ZNF280D: variants seen among roughly 807,000 people sequenced by gnomAD.
ZNF280D encodes suppressor of hairy wing homolog 4.
A neutral mutation model predicts 94.7 loss-of-function variants in ZNF280D; 39 were observed. The ratio of observed to expected loss-of-function variants is 0.41; its 90% confidence interval spans 0.32 to 0.54. ZNF280D has a LOEUF of 0.54. Ranked by LOEUF, ZNF280D falls within the 20% of genes least tolerant of loss-of-function variation. The pLI is 0.22. For missense variants in ZNF280D, 1,090 were observed against 1,149.3 expected, an observed-to-expected ratio of 0.95 and a Z score of 0.75; for synonymous variants, 398 against 377.6, an observed-to-expected ratio of 1.05 and a Z score of -0.63.
At position 56,631,580 on chromosome 15, in the gene ZNF280D, T is replaced by A. The variant is rs771765627; in HGVS notation, c.2858A>T (p.Gln953Leu). ...ATTTCCTCCAGGAATGTCATCTGTT[T>A]GATCAGACACTACTTCATCAGTCTT... ...SAKTDEVVSDQTDDIPGGNNP... is the reference protein window; with the variant it reads ...SAKTDEVVSDLTDDIPGGNNP... Residue 953 changes from glutamine to leucine, a missense_variant, in exon 22 of 22, where the codon CAA becomes CTA. By Grantham distance (113) the Gln-to-Leu change is moderately radical. Transcript: ENST00000267807. 3 of 1,614,154 alleles carry A rather than the reference T, an allele frequency of 1.9e-6. No individual in the cohort carries two copies. Among genetic ancestry groups the A allele is most frequent in the Non-Finnish European group, 2.5e-6 (3 of 1,180,008 alleles).
At chr15:56,726,003 G>T (rs2058614685) in intron 1 of ZNF280D, among the ~76,000 whole-genome samples, 3 of 151,966 alleles carry the variant, frequency 2.0e-5, no homozygotes, top group Admixed American at 6.6e-5. Context: ...ATCCATTTAA[G>T]CAAAAAGCCT....
chr15:56,633,951 AAT>A (rs1206271427), intron 21 of ZNF280D: 1 of 152,132 alleles, frequency 6.6e-6, no homozygotes, highest in African/African-American at 2.4e-5. Flanking sequence ...TCATGTAGTT[AAT>A]ATATTATTTT....
chr15:56,713,638 C>A (rs1176159511), intron 1 of ZNF280D, among the ~76,000 whole-genome samples: 1 of 152,192 alleles, frequency 6.6e-6, no homozygotes, highest in Non-Finnish European at 1.5e-5. Flanking sequence ...GAATTCTCAA[C>A]TATGAATAAC....
At chr15:56,727,581 C>T (rs2058686938) in intron 1 of ZNF280D, among the ~76,000 whole-genome samples, 1 of 152,194 alleles carries the variant, frequency 6.6e-6, no homozygotes, top group South Asian at 2.1e-4. Context: ...CAAAATAATC[C>T]TCATGCGTAA....
chr15:56,633,480 T>G (rs1431293813), intron 21 of ZNF280D, among the ~76,000 whole-genome samples: 1 of 151,996 alleles, frequency 6.6e-6, no homozygotes, highest in Non-Finnish European at 1.5e-5. Flanking sequence ...ATAAAAAATC[T>G]AATATCTTTT....
chr15:56,662,871 CA>C (rs1243326885), intron 16 of ZNF280D, among the ~76,000 whole-genome samples: 1 of 145,508 alleles, frequency 6.9e-6, no homozygotes, highest in Non-Finnish European at 1.5e-5. Context: ...GAATAGTACA[CA>C]ATTCAAAGAA....
At chr15:56,637,499 G>T (rs1324308644) in intron 20 of ZNF280D, among the ~76,000 whole-genome samples, 1 of 151,984 alleles carries the variant, frequency 6.6e-6, no homozygotes, top group East Asian at 1.9e-4. Context: ...ATGATGTTGA[G>T]ACCATCCTCC....
chr15:56,653,923 C>A, intron 19 of ZNF280D: 2 of 1,291,538 alleles, frequency 1.5e-6, no homozygotes, highest in South Asian at 2.4e-5. Flanking sequence ...CTGAAAAGAG[C>A]TGAATAATGA....
intron 19 of ZNF280D, among the ~76,000 whole-genome samples, chr15:56,647,250 G>A (rs559994224): frequency 4.1e-4 from 62 of 152,272 alleles, no homozygotes; most frequent in African/African-American, 1.4e-3. Context: ...TTGGTTTAGG[G>A]AGATGAGAAC....
In ZNF280D at chr15:56,631,386, C is replaced by A; in HGVS notation, c.*112G>T. The A allele has an allele frequency of 1.8e-6, 2 of 1,108,154 alleles. No homozygotes were observed. The highest frequency in any genetic ancestry group is 2.6e-6 in the Non-Finnish European group (2 of 765,772). 68.6% of individuals were successfully genotyped at this position (1,108,154 alleles called of 1,614,324 possible). ...ACATACAGGTAAAGTGTATGTGTGACCTCCCTTACATATTTCCATTTCTGA... is the reference window on the plus strand; with the variant it reads ...ACATACAGGTAAAGTGTATGTGTGAACTCCCTTACATATTTCCATTTCTGA... On this transcript the variant is annotated 3_prime_UTR_variant, in exon 22 of 22. Transcript: ENST00000267807.
At chr15:56,729,932 TAG>T (rs1419199378) in intron 1 of ZNF280D, 1 of 152,242 alleles carries the variant, frequency 6.6e-6, no homozygotes, top group Non-Finnish European at 1.5e-5. Flanking sequence ...ATGCATGAAA[TAG>T]ATTTTTTATT....
At chr15:56,706,988 T>C in intron 3 of ZNF280D, 94 bp downstream of exon 3, 1 of 1,297,874 alleles carries the variant, frequency 7.7e-7, no homozygotes, top group Non-Finnish European at 1.1e-6. Flanking sequence ...ATTTTTGTTT[T>C]TTAAAAAATG....
At position 56,633,637 on chromosome 15, in the gene ZNF280D, C is replaced by T. The variant is rs541761240; in HGVS notation, c.2316-1515G>A. The stretch of plus-strand genomic sequence containing the variant: ...TCCCGAATAGCTGGGATTACAGGCA[C>T]GTGCCACCAAGCCCGGCTAATTTTT... On this transcript the variant is annotated intron_variant, in intron 21 of 21. Transcript: ENST00000267807. Among the ~76,000 whole-genome samples the T allele has an allele frequency of 1.2e-3, 186 of 151,816 alleles. 3 individuals are homozygous for T. Among genetic ancestry groups the T allele is most frequent in the South Asian group, 0.011 (54 of 4,816 alleles).
chr15:56,716,967 T>C (rs900298322), intron 1 of ZNF280D, among the ~76,000 whole-genome samples: 7 of 152,132 alleles, frequency 4.6e-5, no homozygotes, highest in South Asian at 2.1e-4. Flanking sequence ...AGGATCTCCA[T>C]TGAGGATGAC....
At chr15:56,721,241 G>A (rs1304715553) in intron 1 of ZNF280D, among the ~76,000 whole-genome samples, 3 of 152,068 alleles carry the variant, frequency 2.0e-5, no homozygotes, top group African/African-American at 7.2e-5. Context: ...AAAGTGTTGC[G>A]ATTACAGGCA....
chr15:56,640,434 A>AT, intron 20 of ZNF280D, among the ~76,000 whole-genome samples: 1 of 152,082 alleles, frequency 6.6e-6, no homozygotes, highest in South Asian at 2.1e-4. Context: ...GTTTCTGTGT[A>AT]TTTAAAAAAT....
chr15:56,652,807 G>C (rs1401795161), intron 19 of ZNF280D: 5 of 984,172 alleles, frequency 5.1e-6, no homozygotes, highest in Admixed American at 1.2e-4. Context: ...CAATAGGACA[G>C]AGTATCTAAT....
intron 19 of ZNF280D, among the ~76,000 whole-genome samples, chr15:56,647,715 G>C (rs78513909): frequency 0.013 from 2,039 of 152,122 alleles, 41 homozygotes; most frequent in African/African-American, 0.047. Flanking sequence ...CTTTTTTGTA[G>C]AGATGGGGTT....
At chr15:56,648,209 A>T (rs1352371769) in intron 19 of ZNF280D, among the ~76,000 whole-genome samples, 1 of 152,070 alleles carries the variant, frequency 6.6e-6, no homozygotes, top group Non-Finnish European at 1.5e-5. Context: ...TTCCACTCTA[A>T]AACATGCTGA....
Sources: gnomAD v4.1 joint callset for allele counts (sites outside exome capture counted in the v4.1 genomes callset) on GRCh38, gnomAD v4.1.1 for gene constraint, MANE v1.5 for transcripts, NCBI Gene and HGNC (gene_info 2026-07-23, HGNC 2026-07-21) for gene names.